Variants in USP10 observed in about 807,000 individuals in gnomAD.
USP10 encodes ubiquitin specific peptidase 10.
A neutral mutation model predicts 84.5 loss-of-function variants in USP10; 22 were observed. The ratio of observed to expected loss-of-function variants is 0.26; its 90% confidence interval spans 0.19 to 0.37. The LOEUF is 0.37. USP10 is among the 10% of genes least tolerant of loss of function. The probability of loss-of-function intolerance (pLI) is 1.00; values close to 1 mark genes in which losing one functional copy is unlikely to be tolerated. For missense variants in USP10, 1,019 were observed against 998.9 expected (o/e 1.02, Z -0.27); for synonymous variants, 454 against 387.6 (o/e 1.17, Z -2.01).
At chr16:84,774,603 TG>T (rs1234217243) in intron 12 of USP10, among the ~76,000 whole-genome samples, 1 of 152,040 alleles carries the variant, frequency 6.6e-6, no homozygotes, top group Non-Finnish European at 1.5e-5. Flanking sequence ...CCCGAGTAGC[TG>T]AGACTACAGC....
At chr16:84,750,602 C>A (rs1443665959) in intron 4 of USP10, among the ~76,000 whole-genome samples, 1 of 152,136 alleles carries the variant, frequency 6.6e-6, no homozygotes, top group African/African-American at 2.4e-5. Flanking sequence ...GAACATTGTA[C>A]TTTTCCTGGG....
At chr16:84,740,410 C>G in intron 3 of USP10, 41 bp downstream of exon 3, 1 of 1,562,200 alleles carries the variant, frequency 6.4e-7, no homozygotes, top group Non-Finnish European at 8.8e-7. Context: ...GGGAATTTGG[C>G]CATACGTGCT....
intron 2 of USP10, among the ~76,000 whole-genome samples, chr16:84,737,144 T>A (rs1910041399): frequency 6.6e-6 from 1 of 152,204 alleles, no homozygotes; most frequent in Non-Finnish European, 1.5e-5. Context: ...GGAGAGTCTT[T>A]GAGACGGAAA....
At chr16:84,710,086 A>T (rs1356505549) in intron 1 of USP10, among the ~76,000 whole-genome samples, 1 of 152,132 alleles carries the variant, frequency 6.6e-6, no homozygotes, top group Non-Finnish European at 1.5e-5. Context: ...TCTGGCCAAC[A>T]TGCTGAAACC....
intron 11 of USP10, among the ~76,000 whole-genome samples, chr16:84,769,246 G>A (rs1457601133): frequency 1.3e-5 from 2 of 152,188 alleles, no homozygotes; most frequent in South Asian, 2.1e-4. Context: ...GACTGGGATG[G>A]ATCTATCCTT....
intron 1 of USP10, among the ~76,000 whole-genome samples, chr16:84,708,302 T>C (rs1905815634): frequency 6.6e-6 from 1 of 151,984 alleles, no homozygotes; most frequent in East Asian, 1.9e-4. Context: ...ATACAAAAAT[T>C]AGCCGAGTGT....
At chr16:84,730,340 C>T (rs1011554106) in intron 1 of USP10, among the ~76,000 whole-genome samples, 2 of 151,946 alleles carry the variant, frequency 1.3e-5, no homozygotes, top group Non-Finnish European at 2.9e-5. Flanking sequence ...AGATCTCTCG[C>T]TGTCTGTACC....
At chr16:84,738,547 A>G (rs1455750815) in intron 2 of USP10, among the ~76,000 whole-genome samples, 2 of 152,168 alleles carry the variant, frequency 1.3e-5, no homozygotes, top group East Asian at 3.9e-4. Context: ...GCCAGCATCA[A>G]TGCTGGTGTG....
chr16:84,752,923 C>G (rs1027243078), intron 4 of USP10, among the ~76,000 whole-genome samples: 1 of 152,170 alleles, frequency 6.6e-6, no homozygotes, highest in Admixed American at 6.5e-5. Context: ...ATCTTCATTT[C>G]TTACAATCAT....
intron 4 of USP10, 29 bp from the exon 5 acceptor site, chr16:84,758,687 T>G: frequency 6.7e-7 from 1 of 1,490,480 alleles, no homozygotes; most frequent in African/African-American, 1.4e-5. Flanking sequence ...TGTCATCAAT[T>G]TCTGAAATAT....
Position 84,768,257 on chromosome 16 carries a change from T to C in USP10, c.1897T>C (p.Leu633=), listed in dbSNP as rs764336181. 1 of 1,605,504 alleles carries C rather than the reference T, an allele frequency of 6.2e-7. No homozygotes were observed. The change falls in exon 11 of 14, where the codon TTG becomes CTG. Residue 633 remains leucine (L), a synonymous_variant. Coordinates refer to ENST00000219473, the MANE Select transcript of USP10 (RefSeq NM_005153.3). ...ATLQPFFTLQ[L]DIQSDKIRTV... Reference sequence around the variant, plus strand: ...TTTGCAGCCATTTTTCACGTTGCAGTTGGATATCCAGTCAGACAAGATACG... The same window carrying C: ...TTTGCAGCCATTTTTCACGTTGCAGCTGGATATCCAGTCAGACAAGATACG...
At chr16:84,713,283 G>C (rs776415273) in intron 1 of USP10, among the ~76,000 whole-genome samples, 2 of 152,148 alleles carry the variant, frequency 1.3e-5, no homozygotes, top group Non-Finnish European at 2.9e-5. Context: ...CCCTCTGTCT[G>C]TAGACAGGCT....
intron 1 of USP10, among the ~76,000 whole-genome samples, chr16:84,719,097 A>AGTT (rs753483295): frequency 9.7e-4 from 147 of 151,868 alleles, no homozygotes; most frequent in Non-Finnish European, 1.5e-3. Context: ...CGGCCAGTTT[A>AGTT]GTTGTTGTTG....
intron 1 of USP10, among the ~76,000 whole-genome samples, chr16:84,725,676 T>C (rs1034690451): frequency 3.3e-5 from 5 of 152,172 alleles, no homozygotes; most frequent in Non-Finnish European, 7.4e-5. Flanking sequence ...AGTGCTGGGA[T>C]TACAGGTGTG....
At chr16:84,757,757 G>A (rs948479010) in intron 4 of USP10, among the ~76,000 whole-genome samples, 1 of 152,104 alleles carries the variant, frequency 6.6e-6, no homozygotes, top group African/African-American at 2.4e-5. Flanking sequence ...ATGGAGTTGA[G>A]GCCCTGGCTA....
intron 1 of USP10, chr16:84,733,125 G>A (rs1397016403): frequency 4.1e-6 from 2 of 487,742 alleles, no homozygotes; most frequent in Admixed American, 2.3e-5. Context: ...ACAACTGGCA[G>A]TATTTGTGAA....
chr16:84,763,077 C>G lies in USP10; in HGVS notation c.1643C>G (p.Pro548Arg). Residue 548 changes from proline to arginine, a missense_variant, in exon 9 of 14, where the codon CCA becomes CGA. Physicochemically the swap from Pro to Arg is moderately radical, Grantham distance 103. Around this residue, in one of 2 missense-constraint regions of USP10, gnomAD observed 787 missense variants for 708.8 expected, o/e 1.11. Transcript: ENST00000219473. ...TTGAACCTAAAGAAGCTTCTCTCAC[C>G]AAGTAATGAAAGTAGGTTATGGTCC... The part of the protein sequence containing the change: ...EMLNLKKLLS[P>R]SNEKLTISNG... 1 of 1,609,134 alleles carries G rather than the reference C, an allele frequency of 6.2e-7. No individual in the cohort carries two copies. Among genetic ancestry groups the G allele is most frequent in the Non-Finnish European group, 8.5e-7 (1 of 1,176,140 alleles).
chr16:84,775,746 A>G (rs1312196003), intron 13 of USP10, among the ~76,000 whole-genome samples: 2 of 151,988 alleles, frequency 1.3e-5, no homozygotes, highest in African/African-American at 4.8e-5. Flanking sequence ...GGTGAATGGC[A>G]CCCCCTGTTC....
intron 4 of USP10, among the ~76,000 whole-genome samples, chr16:84,754,479 A>AG (rs1912291332): frequency 6.6e-6 from 1 of 152,132 alleles, no homozygotes; most frequent in South Asian, 2.1e-4. Flanking sequence ...ACACGTCCCA[A>AG]GGGCCCGTAC....
Sources: allele counts gnomAD v4.1 joint callset (sites outside exome capture counted in the v4.1 genomes callset), GRCh38; gene constraint gnomAD v4.1.1; regional missense constraint gnomAD v4.1.1; transcripts MANE v1.5; gene names NCBI Gene and HGNC (gene_info 2026-07-23, HGNC 2026-07-21).